The following SORCS1 variants were observed in gnomAD, a reference collection of about 807,000 sequenced individuals.
The protein encoded by SORCS1 is VPS10 domain-containing receptor SorCS1.
A neutral mutation model predicts 146.1 loss-of-function variants in SORCS1; 60 were observed. The ratio of observed to expected loss-of-function variants is 0.41; its 90% CI spans 0.33 to 0.51. SORCS1 has a LOEUF of 0.51. Ranked by LOEUF, SORCS1 falls within the 20% of genes least tolerant of loss-of-function variation. The pLI, the probability that SORCS1 is intolerant of heterozygous loss-of-function variation, is 0.21. For synonymous variants in SORCS1, 637 were observed against 584.0 expected, an observed-to-expected ratio of 1.09 and a Z score of -1.31; for missense variants, 1,352 against 1,487.6, an observed-to-expected ratio of 0.91 and a Z score of 1.50.
rs534291034 is a variant in SORCS1, at chr10:106,766,257, C to A, written c.886-4596G>T. 6.5e-4 allele frequency among the ~76,000 whole-genome samples: 99 copies of A among 152,228 alleles called. 1 individual carries two copies. The South Asian group carries it at 7.7e-3, about 12-fold the overall frequency. ...CTTCTTGAAAAGGCTGACAGAAAAT[C>A]CTGCCAGTTCTATTTTATTTGCCTC... On this transcript the variant is annotated intron_variant, in intron 4 of 25. Transcript: ENST00000263054.
chr10:106,778,158 CCAGA>C (rs1860604490), intron 3 of SORCS1, among the ~76,000 whole-genome samples: 1 of 152,042 alleles, frequency 6.6e-6, no homozygotes, highest in Non-Finnish European at 1.5e-5. Context: ...GGATTGCATG[CCAGA>C]CACTCTGCCC....
intron 3 of SORCS1, among the ~76,000 whole-genome samples, chr10:106,796,144 T>C (rs1241815003): frequency 6.6e-6 from 1 of 152,242 alleles, no homozygotes. Context: ...TCTTAAGTTT[T>C]GCCCTTATTT....
chr10:107,003,336 C>T (rs1228028295), intron 1 of SORCS1, among the ~76,000 whole-genome samples: 1 of 151,868 alleles, frequency 6.6e-6, no homozygotes, highest in Non-Finnish European at 1.5e-5. Flanking sequence ...AGCATCCTTC[C>T]AATGGGGTAG....
intron 2 of SORCS1, among the ~76,000 whole-genome samples, chr10:106,906,008 T>C (rs952833439): frequency 6.6e-6 from 1 of 152,208 alleles, no homozygotes; most frequent in South Asian, 2.1e-4. Context: ...ACATCAACAC[T>C]CTTTCATCCT....
At chr10:107,008,196 A>C (rs7904147) in intron 1 of SORCS1, among the ~76,000 whole-genome samples, 9 of 152,026 alleles carry the variant, frequency 5.9e-5, no homozygotes, top group African/African-American at 2.2e-4. Flanking sequence ...AAAATAGTAG[A>C]GTTGCCAGTA....
chr10:106,684,942 T>C (rs865984685), intron 10 of SORCS1, among the ~76,000 whole-genome samples: 4 of 152,228 alleles, frequency 2.6e-5, no homozygotes, highest in African/African-American at 9.6e-5. Flanking sequence ...CTTCCCTTTG[T>C]CATTTTCCCC....
At chr10:107,100,748 T>G (rs1964868731) in intron 1 of SORCS1, among the ~76,000 whole-genome samples, 1 of 152,136 alleles carries the variant, frequency 6.6e-6, no homozygotes, top group Non-Finnish European at 1.5e-5. Flanking sequence ...AAGATCTAAC[T>G]CCTACAGACA....
chr10:106,695,437 T>C (rs1207153639), intron 9 of SORCS1, among the ~76,000 whole-genome samples: 1 of 152,210 alleles, frequency 6.6e-6, no homozygotes, highest in Admixed American at 6.5e-5. Context: ...CAAGCCCAGA[T>C]GCTGATCCTT....
intron 5 of SORCS1, among the ~76,000 whole-genome samples, chr10:106,747,122 A>G (rs1364573448): frequency 6.6e-6 from 1 of 152,224 alleles, no homozygotes; most frequent in African/African-American, 2.4e-5. Flanking sequence ...ACCCTTTACC[A>G]TAAATCTCAT....
intron 21 of SORCS1, among the ~76,000 whole-genome samples, chr10:106,614,601 T>C (rs1231576981): frequency 1.0e-5 from 1 of 95,920 alleles, no homozygotes; most frequent in Admixed American, 1.3e-4. Context: ...GCTATGAAGA[T>C]TTAAGTTTAT....
chr10:106,863,924 G>C (rs58294784), intron 2 of SORCS1, among the ~76,000 whole-genome samples: 8 of 152,022 alleles, frequency 5.3e-5, no homozygotes, highest in Admixed American at 5.2e-4. Context: ...ACACTGTGTA[G>C]ACGAAAACAC....
chr10:106,955,483 C>T (rs1170326105), intron 2 of SORCS1, among the ~76,000 whole-genome samples: 2 of 152,174 alleles, frequency 1.3e-5, no homozygotes, highest in African/African-American at 4.8e-5. Context: ...GCCCTGTGGG[C>T]ACAAGCAAAA....
chr10:107,005,934 T>C (rs1433328398), intron 1 of SORCS1, among the ~76,000 whole-genome samples: 1 of 152,224 alleles, frequency 6.6e-6, no homozygotes. Flanking sequence ...GATAGAAAAT[T>C]ATATCAATTG....
chr10:106,726,185 C>CTCTCT (rs1435746962), intron 6 of SORCS1, among the ~76,000 whole-genome samples: 1 of 66,300 alleles, frequency 1.5e-5, no homozygotes, highest in African/African-American at 6.4e-5. Context: ...CTTTCCCTCT[C>CTCTCT]TTTTTTTTTT....
At chr10:106,589,843 C>T (rs1312424316) in intron 24 of SORCS1, among the ~76,000 whole-genome samples, 3 of 151,702 alleles carry the variant, frequency 2.0e-5, no homozygotes, top group South Asian at 4.2e-4. Flanking sequence ...GAGTTTTGCC[C>T]AAACCTATTA....
At chr10:107,019,426 A>G (rs1451959372) in intron 1 of SORCS1, among the ~76,000 whole-genome samples, 1 of 152,180 alleles carries the variant, frequency 6.6e-6, no homozygotes, top group African/African-American at 2.4e-5. Flanking sequence ...TACCACAGAA[A>G]TATGAGTTGG....
chr10:106,776,733 T>C (rs1419318859), intron 3 of SORCS1, 41 bp from the exon 4 acceptor site: 5 of 1,587,218 alleles, frequency 3.2e-6, no homozygotes, highest in Non-Finnish European at 4.3e-6. Context: ...AACAGAAAAT[T>C]AAGTTTACAA....
intron 2 of SORCS1, among the ~76,000 whole-genome samples, chr10:106,877,425 A>C (rs1048169413): frequency 6.6e-6 from 1 of 152,048 alleles, no homozygotes; most frequent in Non-Finnish European, 1.5e-5. Context: ...TCTACAAAAA[A>C]AAAAATTAGT....
At chr10:106,725,905 T>C (rs1409076299) in intron 6 of SORCS1, among the ~76,000 whole-genome samples, 1 of 140,318 alleles carries the variant, frequency 7.1e-6, no homozygotes, top group East Asian at 2.1e-4. Flanking sequence ...CACTCCAGAC[T>C]GGGTGACAGA....
Sources: gnomAD v4.1 joint callset for allele counts (sites outside exome capture counted in the v4.1 genomes callset) on GRCh38, gnomAD v4.1.1 for gene constraint, MANE v1.5 for transcripts, NCBI Gene and HGNC (gene_info 2026-07-23, HGNC 2026-07-21) for gene names.